CELF2: variants seen among roughly 807,000 people sequenced by gnomAD.
CELF2 encodes the protein CUGBP Elav-like family member 2, also known as CUG triplet repeat RNA-binding protein 2.
In CELF2, 8 loss-of-function variants were observed where a neutral mutation model predicts 62.6. The ratio of observed to expected loss-of-function variants is 0.13; its 90% CI spans 0.07 to 0.23. CELF2 has a LOEUF of 0.23. Among genes scored for constraint, CELF2 ranks in the 10% least tolerant of loss-of-function variants. CELF2 has a pLI of 1.00. For missense variants in CELF2, 333 were observed against 671.0 expected, an observed-to-expected ratio of 0.50 and a Z score of 5.56; for synonymous variants, 258 against 250.0, an observed-to-expected ratio of 1.03 and a Z score of -0.30.
chr10:11,083,864 AG>A (rs755849752), intron 1 of CELF2, among the ~76,000 whole-genome samples: 12 of 152,210 alleles, frequency 7.9e-5, no homozygotes, highest in Non-Finnish European at 1.5e-4. Flanking sequence ...GTGTACGGAG[AG>A]GGCCTTGAAA....
intron 2 of CELF2, among the ~76,000 whole-genome samples, chr10:11,208,393 A>G (rs575868259): frequency 7.2e-4 from 109 of 152,328 alleles, no homozygotes; most frequent in Non-Finnish European, 1.2e-3. Context: ...CTTAGGTCCA[A>G]CAAAGTGTGC....
chr10:10,475,660 T>C, the CELF2 span, among the ~76,000 whole-genome samples: 1 of 151,988 alleles, frequency 6.6e-6, no homozygotes, highest in Non-Finnish European at 1.5e-5. Context: ...TTTCCCCCAA[T>C]TGTGCTCAAT....
In CELF2 at chr10:11,242,203, A is replaced by G. The variant is rs1193576316; in HGVS notation, c.355-6950A>G. 1.3e-5 allele frequency among the ~76,000 whole-genome samples: 2 copies of G among 152,192 alleles called. No homozygotes were observed. Among genetic ancestry groups the G allele is most frequent in the Admixed American group, 1.3e-4 (2 of 15,278 alleles). On this transcript the variant is annotated intron_variant, in intron 3 of 12. Coordinates refer to ENST00000633077, the MANE Select transcript of CELF2 (RefSeq NM_001326342.2). The surrounding 1 kb of genome is among the most constrained non-coding windows in gnomAD (Gnocchi z 4.8). ...TGGGTTTAATAATGAGATGCGTAACAGTGACTCTGTAAAAACCCATTTCAG... is the reference window on the plus strand; with the variant it reads ...TGGGTTTAATAATGAGATGCGTAACGGTGACTCTGTAAAAACCCATTTCAG...
chr10:10,738,432 T>G, the CELF2 span, among the ~76,000 whole-genome samples: 2 of 152,196 alleles, frequency 1.3e-5, no homozygotes, highest in African/African-American at 2.4e-5. Flanking sequence ...AAACACTCCC[T>G]TGGCCAGGTG....
chr10:11,002,736 G>A (rs2054644889), upstream of CELF2, among the ~76,000 whole-genome samples: 1 of 152,134 alleles, frequency 6.6e-6, no homozygotes, highest in Admixed American at 6.5e-5. This position sits in a 1 kb window ranked among gnomAD's most constrained non-coding sequence, Gnocchi z 4.4. Context: ...AAACACAATA[G>A]CATGAAAGGA....
chr10:11,191,837 C>T lies in CELF2; in HGVS notation c.272-25588C>T, dbSNP rs989335053. On this transcript the variant is annotated intron_variant, in intron 2 of 12. Transcript: ENST00000633077. This position sits in a 1 kb window ranked among gnomAD's most constrained non-coding sequence, Gnocchi z 4.1. ...CCCCAGTGAAGGAGGAGGGAGGGGC[C>T]GTGTGCATGCTCATGCTGTTTATCC... Among the ~76,000 whole-genome samples, 4 of 152,102 alleles carry T rather than the reference C, an allele frequency of 2.6e-5. No individual in the cohort carries two copies. The highest frequency in any genetic ancestry group is 9.7e-5 in the African/African-American group (4 of 41,412).
At chr10:10,727,498 C>T in the CELF2 span, among the ~76,000 whole-genome samples, 6 of 152,044 alleles carry the variant, frequency 3.9e-5, no homozygotes, top group South Asian at 8.3e-4. Context: ...AAAACAGGGC[C>T]GGGCGCGGTG....
the CELF2 span, among the ~76,000 whole-genome samples, chr10:10,770,388 C>T: frequency 4.8e-3 from 730 of 151,968 alleles, 4 homozygotes; most frequent in African/African-American, 0.01. Flanking sequence ...AGGCTAACTG[C>T]AGGACTGACC....
At chr10:10,952,507 A>G (rs977752315) in intron 2 of CELF2, among the ~76,000 whole-genome samples, 13 of 152,234 alleles carry the variant, frequency 8.5e-5, no homozygotes, top group African/African-American at 2.9e-4. Flanking sequence ...GACTCAGGAG[A>G]GGAAGTTAGA....
chr10:10,958,556 G>A (rs1161211603), intron 2 of CELF2, among the ~76,000 whole-genome samples: 3 of 152,252 alleles, frequency 2.0e-5, no homozygotes, highest in Middle Eastern at 6.8e-3. Context: ...TCTCAACTGT[G>A]TTCGAAAACC....
chr10:11,048,501 G>C (rs186939466), intron 1 of CELF2, among the ~76,000 whole-genome samples: 1 of 152,096 alleles, frequency 6.6e-6, no homozygotes, highest in East Asian at 1.9e-4. Context: ...AAATGTTCCC[G>C]TGCCACCAAT....
intron 1 of CELF2, among the ~76,000 whole-genome samples, chr10:10,919,539 G>A (rs1398972648): frequency 6.6e-6 from 1 of 152,180 alleles, no homozygotes; most frequent in Non-Finnish European, 1.5e-5. Context: ...GGGTGACAGA[G>A]GTCAACATGA....
the CELF2 span, among the ~76,000 whole-genome samples, chr10:10,583,475 C>G: frequency 1.3e-5 from 2 of 152,126 alleles, no homozygotes; most frequent in Admixed American, 6.6e-5. Flanking sequence ...CCCAAAGCTT[C>G]AAAACCATTT....
chr10:10,492,426 G>A, the CELF2 span, among the ~76,000 whole-genome samples: 15 of 151,972 alleles, frequency 9.9e-5, no homozygotes, highest in Admixed American at 6.6e-5. Flanking sequence ...AAACCTGCAC[G>A]TTGTGCACAT....
intron 1 of CELF2, among the ~76,000 whole-genome samples, chr10:10,905,482 C>T (rs2063256838): frequency 2.0e-5 from 3 of 152,080 alleles, no homozygotes; most frequent in Non-Finnish European, 4.4e-5. Context: ...GTGGCTCACG[C>T]CCGTTAATCC....
chr10:10,722,491 C>T, the CELF2 span, among the ~76,000 whole-genome samples: 1 of 146,686 alleles, frequency 6.8e-6, no homozygotes, highest in Admixed American at 7.0e-5. Context: ...AGGGCAGTCT[C>T]CTTAAAGCCT....
intron 2 of CELF2, among the ~76,000 whole-genome samples, chr10:11,197,207 A>G (rs1476890069): frequency 6.6e-6 from 1 of 152,032 alleles, no homozygotes; most frequent in East Asian, 1.9e-4. Flanking sequence ...TCTCTGGTTG[A>G]ACGTGGTCAG....
At chr10:10,536,243 CT>C in the CELF2 span, among the ~76,000 whole-genome samples, 1 of 152,134 alleles carries the variant, frequency 6.6e-6, no homozygotes, top group Admixed American at 6.5e-5. Flanking sequence ...TGGTCTCGAT[CT>C]CCTGACCTTG....
chr10:10,486,205 A>T, the CELF2 span, among the ~76,000 whole-genome samples: 2 of 152,196 alleles, frequency 1.3e-5, no homozygotes, highest in African/African-American at 4.8e-5. Flanking sequence ...AGACTGGAAA[A>T]AGCACTAAGG....
Sources: allele counts gnomAD v4.1 joint callset (sites outside exome capture counted in the v4.1 genomes callset), GRCh38; gene constraint gnomAD v4.1.1; non-coding constraint Gnocchi (gnomAD v3.1); transcripts MANE v1.5; gene names NCBI Gene and HGNC (gene_info 2026-07-23, HGNC 2026-07-21).